GAB1: variants seen among roughly 807,000 people sequenced by gnomAD.
GAB1 encodes GRB2-associated-binding protein 1.
Under a neutral mutation model 66.5 loss-of-function variants are expected in GAB1, and 19 were observed. The observed-to-expected ratio is 0.29, with a 90% CI of 0.20 to 0.42. GAB1 has a LOEUF of 0.42. Ranked by LOEUF, GAB1 falls within the 10% of genes least tolerant of loss-of-function variation. The pLI is 1.00. For missense variants in GAB1, 732 were observed against 858.5 expected (o/e 0.85, Z 1.84); for synonymous variants, 294 against 301.4 (o/e 0.98, Z 0.25).
intron 6 of GAB1, among the ~76,000 whole-genome samples, chr4:143,441,123 A>T (rs1440276029): frequency 6.6e-6 from 1 of 152,178 alleles, no homozygotes; most frequent in Non-Finnish European, 1.5e-5. Context: ...AAGTAACATT[A>T]AGTTCTAAGG....
At chr4:143,432,093 T>C (rs7695623) in intron 2 of GAB1, among the ~76,000 whole-genome samples, 22,575 of 152,166 alleles carry the variant, frequency 0.15, 3,558 homozygotes, top group African/African-American at 0.4. Flanking sequence ...ATAGGTTTCT[T>C]CTACCGGGAG....
chr4:143,420,086 CTT>C (rs57517289), intron 2 of GAB1, among the ~76,000 whole-genome samples: 228 of 152,164 alleles, frequency 1.5e-3, no homozygotes, highest in African/African-American at 5.1e-3. Flanking sequence ...TTTATATTCT[CTT>C]GTGTCCAAAT....
At chr4:143,419,135 A>G (rs72949186) in intron 2 of GAB1, among the ~76,000 whole-genome samples, 2,865 of 152,210 alleles carry the variant, frequency 0.019, 95 homozygotes, top group African/African-American at 0.065. Flanking sequence ...CATTAAGAGA[A>G]ATATCCAAAA....
chr4:143,445,945 C>A (rs1430213374), intron 6 of GAB1, among the ~76,000 whole-genome samples: 2 of 151,950 alleles, frequency 1.3e-5, no homozygotes, highest in African/African-American at 4.8e-5. Context: ...CTTCTACCTT[C>A]CCCCCACCCC....
Position 143,361,642 on chromosome 4 carries a change from G to A in GAB1, c.72+24382G>A, listed in dbSNP as rs538862600. On this transcript the variant is annotated intron_variant, in intron 1 of 9. Coordinates refer to ENST00000262994, the MANE Select transcript of GAB1 (RefSeq NM_002039.4). The stretch of plus-strand genomic sequence containing the variant: ...GGGAATATATTGCCACTGCCTCCTG[G>A]CACATGATCATAGGCCCTGCATCTT... 4.6e-5 allele frequency among the ~76,000 whole-genome samples: 7 copies of A among 152,240 alleles called. No homozygotes were observed. The South Asian group carries it at 1.2e-3, about 27-fold the overall frequency.
At chr4:143,403,513 G>A (rs372374716) in intron 1 of GAB1, among the ~76,000 whole-genome samples, 27 of 152,208 alleles carry the variant, frequency 1.8e-4, no homozygotes, top group African/African-American at 6.5e-4. Context: ...GAAATAAATA[G>A]GCAATCGTCT....
intron 1 of GAB1, chr4:143,350,017 C>G (rs372418800): frequency 6.4e-6 from 10 of 1,562,572 alleles, no homozygotes; most frequent in Non-Finnish European, 8.7e-6. Context: ...ACCCCGGCCC[C>G]GGATGCCACT....
chr4:143,412,955 A>G (rs1578675993), intron 1 of GAB1, among the ~76,000 whole-genome samples: 1 of 152,226 alleles, frequency 6.6e-6, no homozygotes, highest in Non-Finnish European at 1.5e-5. Context: ...ATACAGTGCA[A>G]CAGCCTCTGA....
chr4:143,349,400 G>T, intron 1 of GAB1: 1 of 1,047,244 alleles, frequency 9.5e-7, no homozygotes. Context: ...CAGAGGTCAG[G>T]GGTCAGATAG....
chr4:143,364,918 C>G (rs964836423), intron 1 of GAB1, among the ~76,000 whole-genome samples: 3 of 141,210 alleles, frequency 2.1e-5, no homozygotes, highest in African/African-American at 8.2e-5. Context: ...CACTCTGTCA[C>G]CCAGGCTGGA....
Position 143,460,232 on chromosome 4 carries a change from T to A in GAB1, c.1680-132T>A, listed in dbSNP as rs550535512. 7.7e-5 allele frequency: 59 copies of A among 770,430 alleles called. 1 individual carries two copies. The South Asian group carries it at 8.0e-4, about 10-fold the overall frequency. The allele number at this position is 770,430 out of a possible 1,614,324, so 47.7% of individuals were successfully genotyped here. A position where few individuals can be genotyped will look rare whatever the true frequency, so the allele number is the denominator to read the frequency against. ...CACAAAAATTACATCATTATAAATG[T>A]GTACAATGAATGATTATAAACATAA... On this transcript the variant is annotated intron_variant, in intron 7 of 9. Transcript: ENST00000262994.
chr4:143,361,598 A>G (rs143999371), intron 1 of GAB1, among the ~76,000 whole-genome samples: 10 of 152,326 alleles, frequency 6.6e-5, no homozygotes, highest in African/African-American at 2.4e-4. Flanking sequence ...GCCAGGATCA[A>G]TGATGCTGAA....
intron 1 of GAB1, among the ~76,000 whole-genome samples, chr4:143,373,531 CA>C (rs1231325145): frequency 6.6e-6 from 1 of 151,940 alleles, no homozygotes; most frequent in Non-Finnish European, 1.5e-5. Flanking sequence ...CTAGGCTTAA[CA>C]AAAAACATAC....
chr4:143,387,138 T>A (rs1359820633), intron 1 of GAB1, among the ~76,000 whole-genome samples: 1 of 152,126 alleles, frequency 6.6e-6, no homozygotes, highest in Admixed American at 6.5e-5. Flanking sequence ...TTGTTGTTTG[T>A]TTGTTTGTTT....
At position 143,413,824 on chromosome 4, in the gene GAB1, C is replaced by CTTTTTTTTTTTTTTTTTTTTT. The variant is rs35422180; in HGVS notation, c.73-1649_73-1629dup. Among the ~76,000 whole-genome samples the CTTTTTTTTTTTTTTTTTTTTT allele has an allele frequency of 4.9e-4, 33 of 67,824 alleles. 2 individuals carry two copies. Among genetic ancestry groups the CTTTTTTTTTTTTTTTTTTTTT allele is most frequent in the African/African-American group, 1.8e-3 (19 of 10,616 alleles). 44.5% of individuals were successfully genotyped at this position (67,824 alleles called of 152,430 possible). A position where few individuals can be genotyped will look rare whatever the true frequency, so the allele number is the denominator to read the frequency against. On this transcript the variant is annotated intron_variant, in intron 1 of 9. Transcript: ENST00000262994. ...AGAGCATCCCCACCACCCCGCTGCC[C>CTTTTTTTTTTTTTTTTTTTTT]TTTTTTTTTTTTTTTTTTTTTTTTG... is the stretch of plus-strand genomic sequence containing the variant.
intron 1 of GAB1, among the ~76,000 whole-genome samples, chr4:143,365,352 G>A (rs1193155763): frequency 4.6e-5 from 7 of 152,012 alleles, no homozygotes; most frequent in Non-Finnish European, 5.9e-5. Flanking sequence ...TAATCCTTCA[G>A]TATCTTTCTT....
rs1038157338 is a variant in GAB1, at chr4:143,470,382, T to C, written c.*1193T>C. 2.6e-5 allele frequency: 4 copies of C among 152,230 alleles called. No individual in the cohort carries two copies. The highest frequency in any genetic ancestry group is 2.9e-5 in the Non-Finnish European group (2 of 68,032). 9.4% of individuals were successfully genotyped at this position (152,230 alleles called of 1,614,324 possible). ...TCCACTGAAAGAATTACGGATTTTGTACTGTGATTTATATTCACTGCCCCA... is the reference window on the plus strand; with the variant it reads ...TCCACTGAAAGAATTACGGATTTTGCACTGTGATTTATATTCACTGCCCCA... On this transcript the variant is annotated 3_prime_UTR_variant, in exon 10 of 10. Transcript: ENST00000262994.
intron 6 of GAB1, among the ~76,000 whole-genome samples, chr4:143,451,266 A>G (rs1016864696): frequency 1.3e-5 from 2 of 152,144 alleles, no homozygotes; most frequent in Admixed American, 6.6e-5. Flanking sequence ...AGAATAAACA[A>G]CATGCCCAGG....
chr4:143,406,347 C>T (rs901784795), intron 1 of GAB1, among the ~76,000 whole-genome samples: 15 of 151,934 alleles, frequency 9.9e-5, no homozygotes, highest in African/African-American at 3.4e-4. Flanking sequence ...CATGGCAGTG[C>T]TCATGGTTCT....
Sources: allele counts gnomAD v4.1 joint callset (sites outside exome capture counted in the v4.1 genomes callset), GRCh38; gene constraint gnomAD v4.1.1; transcripts MANE v1.5; gene names NCBI Gene and HGNC (gene_info 2026-07-23, HGNC 2026-07-21).